Variants in KATNAL1 observed in about 807,000 individuals in gnomAD.
KATNAL1 encodes the protein katanin catalytic subunit A1 like 1.
KATNAL1 carries 32 observed loss-of-function variants against 55.2 expected under a neutral mutation model. The ratio of observed to expected loss-of-function variants is 0.58; its 90% CI spans 0.44 to 0.78. The LOEUF (loss-of-function observed/expected upper bound fraction) is 0.78. KATNAL1 is among the 30% of genes least tolerant of loss of function. KATNAL1 has a pLI of 0.00. For synonymous variants in KATNAL1, 193 were observed against 193.6 expected, an observed-to-expected ratio of 1.00 and a Z score of 0.02; for missense variants, 466 against 600.9, an observed-to-expected ratio of 0.78 and a Z score of 2.35.
intron 3 of KATNAL1, among the ~76,000 whole-genome samples, chr13:30,270,852 A>C (rs1468053338): frequency 6.6e-6 from 1 of 150,970 alleles, no homozygotes; most frequent in African/African-American, 2.4e-5. Flanking sequence ...TCCCTCCACT[A>C]TTGTCCTATG....
chr13:30,304,911 C>T (rs1883086646), intron 1 of KATNAL1, among the ~76,000 whole-genome samples: 1 of 152,218 alleles, frequency 6.6e-6, no homozygotes, highest in Non-Finnish European at 1.5e-5. Flanking sequence ...CCAAATCTAA[C>T]TCCCAACATC....
chr13:30,217,196 T>C (rs755089564), intron 9 of KATNAL1, among the ~76,000 whole-genome samples: 1 of 152,172 alleles, frequency 6.6e-6, no homozygotes, highest in Non-Finnish European at 1.5e-5. Flanking sequence ...CTCACGCCTG[T>C]AATCCCAGCA....
chr13:30,255,404 C>T (rs749209343), intron 4 of KATNAL1, 43 bp downstream of exon 4: 4 of 1,399,544 alleles, frequency 2.9e-6, no homozygotes, highest in African/African-American at 1.5e-5. Context: ...CACCAAAAGT[C>T]CTGGGCTTCA....
intron 3 of KATNAL1, among the ~76,000 whole-genome samples, chr13:30,256,246 T>C (rs1878773455): frequency 6.6e-6 from 1 of 152,242 alleles, no homozygotes; most frequent in East Asian, 1.9e-4. Context: ...CCAAATGTGA[T>C]TAAAAATTTT....
intron 1 of KATNAL1, among the ~76,000 whole-genome samples, chr13:30,284,636 C>T (rs1004163645): frequency 6.6e-6 from 1 of 152,138 alleles, no homozygotes; most frequent in African/African-American, 2.4e-5. Flanking sequence ...TAAGCAAACA[C>T]CTATAAATTA....
intron 9 of KATNAL1, among the ~76,000 whole-genome samples, chr13:30,213,735 A>G: frequency 6.6e-6 from 1 of 152,202 alleles, no homozygotes; most frequent in Non-Finnish European, 1.5e-5. Flanking sequence ...CCTTCATGCT[A>G]AAAACTCTCA....
chr13:30,252,251 C>T (rs1878386558), intron 4 of KATNAL1, among the ~76,000 whole-genome samples: 1 of 152,162 alleles, frequency 6.6e-6, no homozygotes, highest in Non-Finnish European at 1.5e-5. Flanking sequence ...ATGTAAAAAG[C>T]TTCAAAGCGG....
rs187267973 is a variant in KATNAL1 at position 30,248,406 on chromosome 13, A to T, written c.492+7041T>A. Reference sequence around the variant, plus strand: ...TCTAGTACAACAAGGTAAAAAAAATAAAAACAAAACCCAGCACTATAAATT... The same window carrying T: ...TCTAGTACAACAAGGTAAAAAAAATTAAAACAAAACCCAGCACTATAAATT... On this transcript the variant is annotated intron_variant, in intron 4 of 10. Transcript: ENST00000380615. 2.1e-3 allele frequency among the ~76,000 whole-genome samples: 316 copies of T among 152,368 alleles called. 2 individuals carry two copies. Among genetic ancestry groups the T allele is most frequent in the South Asian group, 4.1e-3 (20 of 4,830 alleles).
intron 4 of KATNAL1, among the ~76,000 whole-genome samples, chr13:30,250,004 T>G (rs1242113031): frequency 2.0e-5 from 3 of 152,362 alleles, no homozygotes; most frequent in Middle Eastern, 3.4e-3. Context: ...CACATCCTAA[T>G]TATTTTACTA....
At chr13:30,217,863 C>T (rs1014191827) in intron 9 of KATNAL1, among the ~76,000 whole-genome samples, 1 of 152,144 alleles carries the variant, frequency 6.6e-6, no homozygotes, top group Admixed American at 6.5e-5. Flanking sequence ...ACCAGTCAGT[C>T]AACAAACAGG....
In KATNAL1 at chr13:30,208,340, G is replaced by A; in HGVS notation, c.*200C>T. The A allele has an allele frequency of 3.9e-6, 2 of 518,258 alleles. No individual in the cohort carries two copies. The highest frequency in any genetic ancestry group is 6.8e-6 in the Non-Finnish European group (2 of 296,062). 32.1% of individuals were successfully genotyped at this position (518,258 alleles called of 1,614,324 possible). Reference sequence around the variant, plus strand: ...GGAATACGTGGAATACCAGCACAAAGCCGGGGAGGGAGACTAGCAAACTCT... The same window carrying A: ...GGAATACGTGGAATACCAGCACAAAACCGGGGAGGGAGACTAGCAAACTCT... On this transcript the variant is annotated 3_prime_UTR_variant, in exon 11 of 11. Coordinates refer to ENST00000380615, the MANE Select transcript of KATNAL1 (RefSeq NM_032116.5).
intron 3 of KATNAL1, among the ~76,000 whole-genome samples, chr13:30,271,240 G>A (rs575205815): frequency 6.6e-6 from 1 of 152,346 alleles, no homozygotes; most frequent in East Asian, 1.9e-4. Context: ...TATAGAGGAG[G>A]AAAATGAGGG....
Position 30,255,438 on chromosome 13 carries a change from G to GC in KATNAL1, c.492+8dup. On this transcript the variant is annotated intron_variant, in intron 4 of 10. Transcript: ENST00000380615. ...CAAGTGAGTGAATTACAGAAAGACA[G>GC]CATCTTGCCTTGTCATCTCTCCCTC... 1 of 1,504,034 alleles carries GC rather than the reference G, an allele frequency of 6.6e-7. No homozygotes were observed. Among genetic ancestry groups the GC allele is most frequent in the Non-Finnish European group, 8.9e-7 (1 of 1,125,620 alleles). 93.2% of individuals were successfully genotyped at this position (1,504,034 alleles called of 1,614,324 possible).
intron 1 of KATNAL1, among the ~76,000 whole-genome samples, chr13:30,301,202 T>A (rs1433801340): frequency 6.6e-6 from 1 of 152,142 alleles, no homozygotes; most frequent in Non-Finnish European, 1.5e-5. Context: ...ACCCCGTCTC[T>A]ACTAAAAAAG....
intron 9 of KATNAL1, among the ~76,000 whole-genome samples, chr13:30,220,034 A>G (rs1874688604): frequency 6.6e-6 from 1 of 152,238 alleles, no homozygotes; most frequent in Admixed American, 6.5e-5. Flanking sequence ...AGTTTGAATA[A>G]TGTGACTGAC....
At chr13:30,268,819 T>A (rs1440673084) in intron 3 of KATNAL1, among the ~76,000 whole-genome samples, 1 of 152,164 alleles carries the variant, frequency 6.6e-6, no homozygotes, top group African/African-American at 2.4e-5. Context: ...GGCAAACGCA[T>A]GAATAAACCT....
intron 1 of KATNAL1, among the ~76,000 whole-genome samples, chr13:30,298,854 T>A (rs1184044708): frequency 5.3e-5 from 8 of 151,952 alleles, no homozygotes; most frequent in Admixed American, 5.2e-4. Context: ...AAAGAGAAGA[T>A]CCATCATGTA....
At chr13:30,219,176 C>T (rs561818157) in intron 9 of KATNAL1, among the ~76,000 whole-genome samples, 9 of 152,166 alleles carry the variant, frequency 5.9e-5, no homozygotes, top group South Asian at 2.1e-4. Flanking sequence ...AATTTTAATA[C>T]ATTTTACTTT....
chr13:30,287,563 C>A (rs1881871224), intron 1 of KATNAL1, among the ~76,000 whole-genome samples: 1 of 152,222 alleles, frequency 6.6e-6, no homozygotes, highest in South Asian at 2.1e-4. Context: ...ACTAATACAA[C>A]TACTTTTACA....
Sources: allele counts gnomAD v4.1 joint callset (sites outside exome capture counted in the v4.1 genomes callset), GRCh38; gene constraint gnomAD v4.1.1; transcripts MANE v1.5; gene names NCBI Gene and HGNC (gene_info 2026-07-23, HGNC 2026-07-21).